Variants in ZNF804B observed in about 807,000 individuals in gnomAD.
ZNF804B encodes zinc finger 804B.
A neutral mutation model predicts 101.4 loss-of-function variants in ZNF804B; 80 were observed. The observed-to-expected ratio is 0.79, with a 90% CI of 0.66 to 0.95. The LOEUF (loss-of-function observed/expected upper bound fraction) is 0.95. Among genes scored for constraint, ZNF804B ranks in the 40% least tolerant of loss-of-function variants. The pLI is 0.00. For synonymous variants in ZNF804B, 622 were observed against 558.8 expected, an observed-to-expected ratio of 1.11 and a Z score of -1.59; for missense variants, 1,673 against 1,561.9, an observed-to-expected ratio of 1.07 and a Z score of -1.20.
In ZNF804B at chr7:89,337,682, A is replaced by G. The variant is rs1246424761; in HGVS notation, c.*650A>G. Among the ~76,000 whole-genome samples, 1 of 152,140 alleles carries G rather than the reference A, an allele frequency of 6.6e-6. No individual in the cohort carries two copies. Among genetic ancestry groups the G allele is most frequent in the Admixed American group, 6.5e-5 (1 of 15,280 alleles). Reference sequence around the variant, plus strand: ...TCATTTCACACAAATCTATGTCAAGATAATTTTGTAATTGTAAGAATCAGC... The same window carrying G: ...TCATTTCACACAAATCTATGTCAAGGTAATTTTGTAATTGTAAGAATCAGC... On this transcript the variant is annotated 3_prime_UTR_variant, in exon 4 of 4. Transcript: ENST00000333190.
chr7:88,865,984 G>A (rs988754335), intron 1 of ZNF804B, among the ~76,000 whole-genome samples: 49 of 152,198 alleles, frequency 3.2e-4, no homozygotes, highest in African/African-American at 1.1e-3. Flanking sequence ...TTGTGAGACC[G>A]AATTCTCTCA....
intron 2 of ZNF804B, among the ~76,000 whole-genome samples, chr7:89,272,044 A>T (rs951004403): frequency 6.6e-6 from 1 of 152,018 alleles, no homozygotes; most frequent in African/African-American, 2.4e-5. Flanking sequence ...CTTAGTATGA[A>T]ATTTTTAAAT....
At chr7:89,093,073 C>A (rs190961707) in intron 1 of ZNF804B, among the ~76,000 whole-genome samples, 16 of 152,216 alleles carry the variant, frequency 1.1e-4, no homozygotes, top group Middle Eastern at 3.4e-3. Context: ...ATTGCTATTT[C>A]CATTGCTAAT....
chr7:88,840,667 T>A (rs1310037214), intron 1 of ZNF804B, among the ~76,000 whole-genome samples: 1 of 152,036 alleles, frequency 6.6e-6, no homozygotes, highest in Non-Finnish European at 1.5e-5. Flanking sequence ...AGTTTTGAAC[T>A]GAGATGAGAT....
intron 2 of ZNF804B, among the ~76,000 whole-genome samples, chr7:89,270,437 G>C (rs1267714100): frequency 1.3e-5 from 2 of 152,060 alleles, no homozygotes; most frequent in Non-Finnish European, 2.9e-5. Flanking sequence ...TTCTGTTTTG[G>C]TACCAGTATC....
At chr7:89,248,890 G>A (rs1206997949) in intron 2 of ZNF804B, among the ~76,000 whole-genome samples, 2 of 151,924 alleles carry the variant, frequency 1.3e-5, no homozygotes, top group African/African-American at 4.8e-5. Context: ...CTCTCTTCAA[G>A]ACAACCACCT....
At chr7:88,903,004 T>C (rs1792415325) in intron 1 of ZNF804B, among the ~76,000 whole-genome samples, 1 of 152,108 alleles carries the variant, frequency 6.6e-6, no homozygotes, top group African/African-American at 2.4e-5. Context: ...TACATGGATA[T>C]ATTGCATGAT....
At chr7:89,118,862 G>C (rs979081276) in intron 1 of ZNF804B, among the ~76,000 whole-genome samples, 2 of 152,086 alleles carry the variant, frequency 1.3e-5, no homozygotes, top group Admixed American at 1.3e-4. Context: ...CTCTGAAAGA[G>C]GACTACAGAG....
chr7:89,252,193 C>A (rs1171480697), intron 2 of ZNF804B, among the ~76,000 whole-genome samples: 2 of 152,042 alleles, frequency 1.3e-5, no homozygotes, highest in African/African-American at 4.8e-5. Context: ...CTATAAAAAA[C>A]TTAAATAACT....
intron 1 of ZNF804B, among the ~76,000 whole-genome samples, chr7:89,176,579 C>CTTTT (rs1562906106): frequency 4.8e-5 from 3 of 62,664 alleles, no homozygotes; most frequent in Admixed American, 3.0e-4. Flanking sequence ...TTTTTTCTTT[C>CTTTT]TTTCTTTCTT....
At chr7:89,286,473 C>T (rs1790197999) in intron 2 of ZNF804B, among the ~76,000 whole-genome samples, 1 of 152,154 alleles carries the variant, frequency 6.6e-6, no homozygotes, top group Non-Finnish European at 1.5e-5. Flanking sequence ...AAATATTGTG[C>T]ATGACTTCAT....
chr7:88,763,559 G>C (rs1414774142), intron 1 of ZNF804B, among the ~76,000 whole-genome samples: 1 of 140,158 alleles, frequency 7.1e-6, no homozygotes, highest in Admixed American at 7.4e-5. Context: ...ATTAAAGAAA[G>C]TAAAAAAAAA....
chr7:88,818,082 T>G (rs1266740847), intron 1 of ZNF804B, among the ~76,000 whole-genome samples: 1 of 152,172 alleles, frequency 6.6e-6, no homozygotes, highest in African/African-American at 2.4e-5. Context: ...GGTTTTTCAG[T>G]GACTGTAAAA....
chr7:89,254,651 A>T (rs562898994), intron 2 of ZNF804B, among the ~76,000 whole-genome samples: 21 of 117,584 alleles, frequency 1.8e-4, no homozygotes, highest in South Asian at 2.7e-4. Flanking sequence ...TATTTTTATT[A>T]TTTTTTTTTT....
intron 2 of ZNF804B, among the ~76,000 whole-genome samples, chr7:89,283,097 T>C (rs969249986): frequency 6.6e-6 from 1 of 152,124 alleles, no homozygotes; most frequent in Non-Finnish European, 1.5e-5. Context: ...ATTCATACTC[T>C]GAAAAGACAA....
chr7:88,894,690 T>C (rs906980696), intron 1 of ZNF804B, among the ~76,000 whole-genome samples: 1 of 152,088 alleles, frequency 6.6e-6, no homozygotes, highest in African/African-American at 2.4e-5. Context: ...AGAAATGAGC[T>C]GTGAAGCCTC....
At chr7:88,974,739 A>T (rs890064857) in intron 1 of ZNF804B, among the ~76,000 whole-genome samples, 31 of 151,436 alleles carry the variant, frequency 2.0e-4, no homozygotes, top group African/African-American at 6.8e-4. Flanking sequence ...TAATAATCAC[A>T]GGAGGGTAAA....
At chr7:89,295,778 T>TA (rs1170914781) in intron 2 of ZNF804B, among the ~76,000 whole-genome samples, 1 of 152,030 alleles carries the variant, frequency 6.6e-6, no homozygotes, top group Non-Finnish European at 1.5e-5. Context: ...AATGGGTAGA[T>TA]AAAGAAAATG....
At chr7:89,029,031 A>G (rs1430903079) in intron 1 of ZNF804B, among the ~76,000 whole-genome samples, 2 of 152,190 alleles carry the variant, frequency 1.3e-5, no homozygotes, top group Non-Finnish European at 2.9e-5. Flanking sequence ...TTGACATAGA[A>G]CCAGCACACA....
Sources: gnomAD v4.1 joint callset for allele counts (sites outside exome capture counted in the v4.1 genomes callset) on GRCh38, gnomAD v4.1.1 for gene constraint, MANE v1.5 for transcripts, NCBI Gene and HGNC (gene_info 2026-07-23, HGNC 2026-07-21) for gene names.